Variants in AJAP1 observed in about 807,000 individuals in gnomAD.
The protein encoded by AJAP1 is adherens junction-associated protein 1.
Under a neutral mutation model 35.0 loss-of-function variants are expected in AJAP1, and 5 were observed. The ratio of observed to expected loss-of-function variants is 0.14; its 90% CI spans 0.07 to 0.30. The LOEUF is 0.30. Among genes scored for constraint, AJAP1 ranks in the 10% least tolerant of loss-of-function variants. The pLI, the probability that AJAP1 is intolerant of heterozygous loss-of-function variation, is 1.00. For synonymous variants in AJAP1, 284 were observed against 249.3 expected, an observed-to-expected ratio of 1.14 and a Z score of -1.31; for missense variants, 586 against 571.0, an observed-to-expected ratio of 1.03 and a Z score of -0.27.
At position 4,788,040 on chromosome 1, in the gene AJAP1, A is replaced by G. The variant is rs1473536978; in HGVS notation, c.*5555A>G. 7.5e-6 allele frequency: 2 copies of G among 267,840 alleles called. No homozygotes were observed. Among genetic ancestry groups the G allele is most frequent in the Non-Finnish European group, 1.5e-5 (2 of 133,870 alleles). 16.6% of individuals were successfully genotyped at this position (267,840 alleles called of 1,614,324 possible). A position where few individuals can be genotyped will look rare whatever the true frequency, so the allele number is the denominator to read the frequency against. ...TTCTAGTGTAAATAGCACAGCCCAC[A>G]TAAATGAGCGAAACTCATCATCTGA... On this transcript the variant is annotated 3_prime_UTR_variant, in exon 6 of 6. Coordinates refer to ENST00000378191, the MANE Select transcript of AJAP1 (RefSeq NM_018836.4).
At chr1:4,726,029 A>C (rs955645472) in intron 2 of AJAP1, among the ~76,000 whole-genome samples, 1 of 152,234 alleles carries the variant, frequency 6.6e-6, no homozygotes, top group South Asian at 2.1e-4. Flanking sequence ...GTCATGGCCC[A>C]CCTGGGAGAG....
intron 1 of AJAP1, among the ~76,000 whole-genome samples, chr1:4,667,697 G>C (rs905973435): frequency 3.9e-5 from 6 of 152,152 alleles, no homozygotes; most frequent in African/African-American, 9.7e-5. Flanking sequence ...ACAGATGCTG[G>C]TACTGGTTCA....
chr1:4,702,008 T>C (rs1639999415), intron 1 of AJAP1, among the ~76,000 whole-genome samples: 1 of 152,244 alleles, frequency 6.6e-6, no homozygotes, highest in South Asian at 2.1e-4. Context: ...CAGGAGTTAC[T>C]GATTTTGCCC....
intron 2 of AJAP1, among the ~76,000 whole-genome samples, chr1:4,721,646 G>A (rs1298871600): frequency 2.0e-5 from 3 of 152,196 alleles, no homozygotes; most frequent in African/African-American, 7.2e-5. Flanking sequence ...GTCTATGGCA[G>A]GGAGGAAGAA....
intron 1 of AJAP1, among the ~76,000 whole-genome samples, chr1:4,704,433 TACTGAGAATG>T (rs2100251256): frequency 6.6e-6 from 1 of 151,940 alleles, no homozygotes; most frequent in African/African-American, 2.4e-5. Context: ...TTGCGATAGT[TACTGAGAATG>T]ATGATTTCCA....
chr1:4,740,273 ACT>A (rs971489428), intron 2 of AJAP1, among the ~76,000 whole-genome samples: 1 of 103,142 alleles, frequency 9.7e-6, no homozygotes, highest in African/African-American at 3.7e-5. Flanking sequence ...AAAAGGACAA[ACT>A]CTGTCAGATT....
intron 1 of AJAP1, among the ~76,000 whole-genome samples, chr1:4,662,674 C>T (rs1639026032): frequency 4.6e-5 from 7 of 152,196 alleles, no homozygotes; most frequent in East Asian, 1.9e-4. Flanking sequence ...GAAAATGTGC[C>T]GGGCTAGGCG....
intron 1 of AJAP1, among the ~76,000 whole-genome samples, chr1:4,687,553 G>C (rs138913183): frequency 6.6e-6 from 1 of 152,326 alleles, no homozygotes; most frequent in Non-Finnish European, 1.5e-5. Context: ...AAGGAACAAG[G>C]AGTTTCAGGG....
intron 2 of AJAP1, among the ~76,000 whole-genome samples, chr1:4,741,289 T>C (rs1454927375): frequency 1.3e-5 from 2 of 152,076 alleles, no homozygotes; most frequent in Non-Finnish European, 2.9e-5. Context: ...CTCTCACAGG[T>C]CTGGAGCAGG....
In AJAP1 at chr1:4,772,446, A is replaced by G. The variant is rs764699635; in HGVS notation, c.1084A>G (p.Arg362Gly). 3.1e-6 allele frequency: 5 copies of G among 1,614,122 alleles called. No homozygotes were observed. The Admixed American group carries it at 8.3e-5, about 27-fold the overall frequency. The change falls in exon 4 of 6, where the codon AGG (arginine) becomes GGG (glycine). Residue 362 changes from arginine to glycine, a missense_variant. Arg to Gly is a moderately radical substitution (Grantham distance 125). Transcript: ENST00000378191. ...ETLQCSHECV[R>G]ASVPVYTDET... ...CCTGCAGTGTTCTCACGAGTGCGTC[A>G]GGGCATCTGTGCCCGTGTACACCGA...
At chr1:4,737,033 G>A (rs548090848) in intron 2 of AJAP1, among the ~76,000 whole-genome samples, 4 of 152,334 alleles carry the variant, frequency 2.6e-5, no homozygotes, top group South Asian at 2.1e-4. Flanking sequence ...ATGAACTAGA[G>A]CAACTCTCTG....
intron 1 of AJAP1, among the ~76,000 whole-genome samples, chr1:4,685,366 G>A (rs1639581504): frequency 6.6e-6 from 1 of 152,162 alleles, no homozygotes; most frequent in African/African-American, 2.4e-5. Flanking sequence ...TCTCCACAGC[G>A]CTGAGCACAG....
intron 2 of AJAP1, among the ~76,000 whole-genome samples, chr1:4,757,726 A>G (rs1252709358): frequency 2.6e-5 from 4 of 152,312 alleles, no homozygotes; most frequent in South Asian, 4.1e-4. Context: ...GGATGGGGAC[A>G]CTGCTTGCTT....
At chr1:4,664,640 C>T (rs1351707741) in intron 1 of AJAP1, among the ~76,000 whole-genome samples, 1 of 152,174 alleles carries the variant, frequency 6.6e-6, no homozygotes, top group African/African-American at 2.4e-5. Context: ...CAGGAGAGAG[C>T]TGGCGATTTT....
At chr1:4,660,322 G>C (rs547077486) in intron 1 of AJAP1, among the ~76,000 whole-genome samples, 9 of 152,342 alleles carry the variant, frequency 5.9e-5, no homozygotes, top group African/African-American at 2.2e-4. Flanking sequence ...CAAAGAAGGA[G>C]TGGGGAACGG....
At position 4,712,555 on chromosome 1, in the gene AJAP1, A is replaced by G. The variant is rs1448166139; in HGVS notation, c.685A>G (p.Met229Val). 6.2e-7 allele frequency: 1 copy of G among 1,612,480 alleles called. No homozygotes were observed. The highest frequency in any genetic ancestry group is 8.5e-7 in the Non-Finnish European group (1 of 1,179,522). Residue 229 changes from methionine (M) to valine (V), a missense_variant, in exon 2 of 6, where the codon ATG (methionine) becomes GTG (valine). Transcript: ENST00000378191. ...CACCACCACCACCACGGCCACCCCC[A>G]TGACGCTGCAGACTAAGGGGTTCAC... ...TTTTTTTATP[M>V]TLQTKGFTES...
At chr1:4,739,740 C>A (rs1641014310) in intron 2 of AJAP1, among the ~76,000 whole-genome samples, 1 of 151,774 alleles carries the variant, frequency 6.6e-6, no homozygotes, top group Admixed American at 6.6e-5. Flanking sequence ...TTTCTGTTTT[C>A]TTTTGTACTT....
In AJAP1 at chr1:4,764,851, A is replaced by G. The variant is rs138539274; in HGVS notation, c.830-5002A>G. Reference sequence around the variant, plus strand: ...TGATGGGTTTGTTTTTGCCATGGACAATGGCCCGTATTTGATTCAGCTTCA... The same window carrying G: ...TGATGGGTTTGTTTTTGCCATGGACGATGGCCCGTATTTGATTCAGCTTCA... On this transcript the variant is annotated intron_variant, in intron 2 of 5. Transcript: ENST00000378191. 1.8e-3 allele frequency among the ~76,000 whole-genome samples: 281 copies of G among 152,288 alleles called. 2 individuals carry two copies. The highest frequency in any genetic ancestry group is 1.9e-3 in the Non-Finnish European group (128 of 68,022).
chr1:4,666,722 TGTGAATCACGGGAGGGGTGC>T (rs1639132291), intron 1 of AJAP1, among the ~76,000 whole-genome samples: 1 of 35,728 alleles, frequency 2.8e-5, no homozygotes, highest in African/African-American at 1.5e-4. Flanking sequence ...GAGAGGGGCC[TGTGAATCACGGGAGGGGTGC>T]GGAGAGGGGC....
Sources: allele counts gnomAD v4.1 joint callset (sites outside exome capture counted in the v4.1 genomes callset), GRCh38; gene constraint gnomAD v4.1.1; transcripts MANE v1.5; gene names NCBI Gene and HGNC (gene_info 2026-07-23, HGNC 2026-07-21).